The following ERC2 variants were observed in gnomAD, a reference collection of about 807,000 sequenced individuals.
ERC2 encodes the protein ELKS/RAB6-interacting/CAST family member 2, also known as ERC protein 2.
ERC2 carries 42 observed loss-of-function variants against 114.8 expected under a neutral mutation model. The observed-to-expected ratio is 0.37, with a 90% CI of 0.29 to 0.47. The LOEUF (loss-of-function observed/expected upper bound fraction) is 0.47, where lower values mean the gene tolerates loss of function less well. ERC2 is among the 20% of genes least tolerant of loss of function. The probability of loss-of-function intolerance (pLI) is 0.99; values close to 1 mark genes in which losing one functional copy is unlikely to be tolerated. For missense variants in ERC2, 939 were observed against 1,150.7 expected (o/e 0.82, Z 2.66); for synonymous variants, 454 against 425.5 (o/e 1.07, Z -0.82).
chr3:55,665,354 C>T (rs1004351789), intron 17 of ERC2, among the ~76,000 whole-genome samples: 5 of 152,090 alleles, frequency 3.3e-5, no homozygotes, highest in South Asian at 2.1e-4. Context: ...TTGAGTTGTG[C>T]CCCCTCAGAA....
At chr3:56,022,197 A>G (rs2073765763) in intron 7 of ERC2, among the ~76,000 whole-genome samples, 1 of 152,230 alleles carries the variant, frequency 6.6e-6, no homozygotes, top group Non-Finnish European at 1.5e-5. Context: ...TAAAAAGCAG[A>G]ATGTAAAATA....
At chr3:55,758,310 C>T (rs935492368) in intron 14 of ERC2, among the ~76,000 whole-genome samples, 2 of 152,302 alleles carry the variant, frequency 1.3e-5, no homozygotes, top group East Asian at 3.9e-4. Flanking sequence ...TGGGCTAAGC[C>T]GAATCATGAG....
At chr3:55,537,559 T>C (rs2054080288) in intron 17 of ERC2, among the ~76,000 whole-genome samples, 2 of 152,224 alleles carry the variant, frequency 1.3e-5, no homozygotes, top group Non-Finnish European at 2.9e-5. Flanking sequence ...ACTCGCACTT[T>C]AGAGCAGAGG....
intron 7 of ERC2, among the ~76,000 whole-genome samples, chr3:56,032,664 G>GA (rs1381896355): frequency 3.3e-5 from 5 of 151,700 alleles, no homozygotes; most frequent in African/African-American, 9.7e-5. Flanking sequence ...ACATAAAAAG[G>GA]AATTTCCTTA....
chr3:56,073,677 C>T (rs954306024), intron 7 of ERC2, among the ~76,000 whole-genome samples: 3 of 152,194 alleles, frequency 2.0e-5, no homozygotes, highest in Non-Finnish European at 4.4e-5. Flanking sequence ...CCACTCTGGA[C>T]TTGGCAAGGA....
At chr3:56,419,474 C>T (rs957021955) in intron 2 of ERC2, among the ~76,000 whole-genome samples, 7 of 152,212 alleles carry the variant, frequency 4.6e-5, no homozygotes, top group Non-Finnish European at 1.0e-4. Flanking sequence ...AAATCCACCA[C>T]CTCCAGTATA....
intron 3 of ERC2, among the ~76,000 whole-genome samples, chr3:56,249,658 T>C (rs1397250460): frequency 6.6e-6 from 1 of 151,730 alleles, no homozygotes; most frequent in Non-Finnish European, 1.5e-5. Flanking sequence ...TAACCCTCAG[T>C]TTCTTCATCT....
chr3:56,278,033 A>G (rs1013187609), intron 3 of ERC2, among the ~76,000 whole-genome samples: 2 of 152,158 alleles, frequency 1.3e-5, no homozygotes, highest in African/African-American at 4.8e-5. Context: ...ACAAGGGGAG[A>G]TTAATAGGCT....
chr3:55,833,134 T>C (rs1279446118), intron 14 of ERC2, among the ~76,000 whole-genome samples: 1 of 149,828 alleles, frequency 6.7e-6, no homozygotes, highest in Non-Finnish European at 1.5e-5. Flanking sequence ...TACGTCTGAT[T>C]GGTGTACCTG....
intron 4 of ERC2, among the ~76,000 whole-genome samples, chr3:56,162,721 A>G (rs1260519845): frequency 6.6e-6 from 1 of 151,984 alleles, no homozygotes; most frequent in African/African-American, 2.4e-5. Context: ...GATAAGTTGT[A>G]TTGTCACCTT....
intron 1 of ERC2, among the ~76,000 whole-genome samples, chr3:56,439,553 TATC>T (rs1218044444): frequency 6.6e-6 from 1 of 152,244 alleles, no homozygotes; most frequent in East Asian, 1.9e-4. Context: ...TTGTGTCAAT[TATC>T]ATTAAAACGT....
intron 7 of ERC2, among the ~76,000 whole-genome samples, chr3:56,020,761 T>C (rs2073656463): frequency 6.6e-6 from 1 of 152,192 alleles, no homozygotes; most frequent in South Asian, 2.1e-4. Context: ...GACAGTGCCC[T>C]GGGCATAAGA....
chr3:55,732,987 C>T (rs2065350820), intron 15 of ERC2, among the ~76,000 whole-genome samples: 1 of 152,170 alleles, frequency 6.6e-6, no homozygotes. Context: ...AGCTGACTGA[C>T]CTGAGACCTT....
At chr3:56,054,575 A>C (rs2075917967) in intron 7 of ERC2, among the ~76,000 whole-genome samples, 1 of 152,206 alleles carries the variant, frequency 6.6e-6, no homozygotes, top group African/African-American at 2.4e-5. Flanking sequence ...GGATACTTTT[A>C]ACATCCATTG....
intron 3 of ERC2, among the ~76,000 whole-genome samples, chr3:56,216,578 G>C (rs1479925685): frequency 6.6e-6 from 1 of 152,160 alleles, no homozygotes; most frequent in African/African-American, 2.4e-5. Flanking sequence ...GGAGGAACTG[G>C]TACCATTCCT....
At chr3:56,327,960 T>G (rs1373043531) in intron 2 of ERC2, among the ~76,000 whole-genome samples, 1 of 152,210 alleles carries the variant, frequency 6.6e-6, no homozygotes, top group Non-Finnish European at 1.5e-5. Flanking sequence ...TGGTTTGAAC[T>G]GTGTGATGCA....
At chr3:55,934,496 G>A (rs567126423) in intron 13 of ERC2, among the ~76,000 whole-genome samples, 5 of 152,262 alleles carry the variant, frequency 3.3e-5, no homozygotes, top group African/African-American at 1.2e-4. Context: ...TTAAAGATAA[G>A]AAAACTGAGG....
intron 3 of ERC2, among the ~76,000 whole-genome samples, chr3:56,194,558 A>T (rs78023686): frequency 6.4e-4 from 97 of 152,326 alleles, no homozygotes; most frequent in African/African-American, 2.2e-3. Context: ...GCTCTGGATC[A>T]GTGAGTGAGT....
At chr3:55,850,076 A>G (rs904940264) in intron 14 of ERC2, among the ~76,000 whole-genome samples, 1 of 152,144 alleles carries the variant, frequency 6.6e-6, no homozygotes, top group Admixed American at 6.5e-5. Context: ...GCAATCCTTG[A>G]CATTGTTTGA....
Sources: allele counts gnomAD v4.1 joint callset (sites outside exome capture counted in the v4.1 genomes callset), GRCh38; gene constraint gnomAD v4.1.1; transcripts MANE v1.5; gene names NCBI Gene and HGNC (gene_info 2026-07-23, HGNC 2026-07-21).